MEGF11: variants seen among roughly 807,000 people sequenced by gnomAD.
The protein encoded by MEGF11 is multiple epidermal growth factor-like domains protein 11.
MEGF11 carries 126 observed loss-of-function variants against 146.6 expected under a neutral mutation model. That is an observed-to-expected ratio of 0.86 (90% CI 0.74 to 1.00). The LOEUF (loss-of-function observed/expected upper bound fraction) is 1.00, where lower values mean the gene tolerates loss of function less well. Among genes scored for constraint, MEGF11 ranks in the 50% least tolerant of loss-of-function variants. MEGF11 has a pLI of 0.00. For synonymous variants in MEGF11, 532 were observed against 583.4 expected (o/e 0.91, Z 1.27); for missense variants, 1,509 against 1,521.2 (o/e 0.99, Z 0.13).
At chr15:66,075,243 G>T (rs771572737) in intron 5 of MEGF11, among the ~76,000 whole-genome samples, 1 of 152,188 alleles carries the variant, frequency 6.6e-6, no homozygotes, top group African/African-American at 2.4e-5. Context: ...AATGTTTGGT[G>T]ACTGTAACAT....
In MEGF11 at chr15:65,938,312, C is replaced by G. The variant is rs530637929; in HGVS notation, c.1288-7369G>C. Among the ~76,000 whole-genome samples, 17 of 152,356 alleles carry G rather than the reference C, an allele frequency of 1.1e-4. No individual in the cohort carries two copies. In the East Asian group the frequency reaches 3.1e-3, roughly 28 times the overall value. ...GAACATTCATTTGGAACTCAGATCT[C>G]CTAGCTCCCATTTGGGTCACAGGAT... On this transcript the variant is annotated intron_variant, in intron 10 of 25. Coordinates refer to ENST00000395614, the MANE Select transcript of MEGF11 (RefSeq NM_001385028.1).
At chr15:65,965,151 T>C (rs1341533673) in intron 8 of MEGF11, 31 bp from the exon 9 acceptor site, 9 of 1,520,044 alleles carry the variant, frequency 5.9e-6, no homozygotes, top group Middle Eastern at 1.8e-4. Flanking sequence ...GCTGAGGCTG[T>C]GGGCCAGGAT....
intron 4 of MEGF11, among the ~76,000 whole-genome samples, chr15:66,117,745 C>G (rs140178772): frequency 1.7e-3 from 255 of 152,236 alleles, no homozygotes; most frequent in Non-Finnish European, 2.9e-3. Flanking sequence ...ACATCTACAC[C>G]TGGGTCTCAG....
In MEGF11 at chr15:65,930,972, C is replaced by G. The variant is rs180893406; in HGVS notation, c.1288-29G>C. The G allele has an allele frequency of 1.3e-4, 200 of 1,544,758 alleles. No individual in the cohort carries two copies. In the African/African-American group the frequency reaches 2.6e-3, roughly 20 times the overall value. ...GAAAGGGAGGGGGTGAATTTTGGAT[C>G]AAAGGTTGCTCCATGTTGGATGGCT... On this transcript the variant is annotated intron_variant, in intron 10 of 25. Coordinates refer to ENST00000395614, the MANE Select transcript of MEGF11 (RefSeq NM_001385028.1).
chr15:66,177,699 C>A (rs889077142), intron 1 of MEGF11, among the ~76,000 whole-genome samples: 3 of 101,586 alleles, frequency 3.0e-5, no homozygotes, highest in African/African-American at 1.1e-4. Context: ...TTTTTTTTTT[C>A]TTTGAGACAG....
chr15:66,076,492 G>C (rs1311487078), intron 5 of MEGF11, among the ~76,000 whole-genome samples: 1 of 152,196 alleles, frequency 6.6e-6, no homozygotes, highest in African/African-American at 2.4e-5. Flanking sequence ...CTGCCAGAAT[G>C]GGTTTTCCTT....
At chr15:66,046,336 A>T (rs1324803524) in intron 5 of MEGF11, among the ~76,000 whole-genome samples, 1 of 152,132 alleles carries the variant, frequency 6.6e-6, no homozygotes, top group African/African-American at 2.4e-5. Context: ...CAAATATCCC[A>T]CATAGCCTTT....
intron 4 of MEGF11, among the ~76,000 whole-genome samples, chr15:66,100,175 A>C (rs1041289855): frequency 6.6e-6 from 1 of 152,072 alleles, no homozygotes; most frequent in Non-Finnish European, 1.5e-5. Flanking sequence ...TCACTCTACC[A>C]GTGTTTACCG....
At chr15:66,143,456 C>G (rs184908705) in intron 1 of MEGF11, among the ~76,000 whole-genome samples, 3 of 152,204 alleles carry the variant, frequency 2.0e-5, no homozygotes, top group South Asian at 4.1e-4. Flanking sequence ...TCACCAAGCC[C>G]CTGTCCCATG....
At chr15:66,056,166 A>C (rs1420491294) in intron 5 of MEGF11, among the ~76,000 whole-genome samples, 1 of 151,760 alleles carries the variant, frequency 6.6e-6, no homozygotes, top group African/African-American at 2.4e-5. Flanking sequence ...CAGTGGGAGA[A>C]GTGCTGGTCT....
At chr15:66,233,470 A>T (rs1291424954) in intron 1 of MEGF11, among the ~76,000 whole-genome samples, 3 of 152,138 alleles carry the variant, frequency 2.0e-5, no homozygotes, top group African/African-American at 7.2e-5. Flanking sequence ...TCCTGACCTC[A>T]AGTGATCCGC....
intron 5 of MEGF11, among the ~76,000 whole-genome samples, chr15:66,064,658 C>T (rs1025277350): frequency 6.6e-6 from 1 of 151,522 alleles, no homozygotes; most frequent in African/African-American, 2.4e-5. Context: ...GCTAGGATTA[C>T]AGGCATGTAC....
At chr15:65,936,962 A>C (rs990578734) in intron 10 of MEGF11, among the ~76,000 whole-genome samples, 7 of 152,160 alleles carry the variant, frequency 4.6e-5, no homozygotes, top group African/African-American at 1.4e-4. Flanking sequence ...GCCTCACCCC[A>C]TCACCCCCTG....
At chr15:66,033,983 G>T (rs193004761) in intron 5 of MEGF11, among the ~76,000 whole-genome samples, 2 of 150,602 alleles carry the variant, frequency 1.3e-5, no homozygotes, top group Admixed American at 1.3e-4. Flanking sequence ...GTAGAGACAG[G>T]GTTTTACCAT....
At chr15:65,947,612 A>G (rs191855021) in intron 10 of MEGF11, among the ~76,000 whole-genome samples, 1 of 152,268 alleles carries the variant, frequency 6.6e-6, no homozygotes, top group African/African-American at 2.4e-5. Flanking sequence ...TTGGTTGTCT[A>G]CTTTCTCCAG....
chr15:66,145,050 A>C (rs1186521159), intron 1 of MEGF11, among the ~76,000 whole-genome samples: 1 of 152,194 alleles, frequency 6.6e-6, no homozygotes, highest in Non-Finnish European at 1.5e-5. Flanking sequence ...CTGCTGTAGA[A>C]TACCTGCCCA....
rs2092114985 is a variant in MEGF11 at position 66,237,247 on chromosome 15, C to T, written c.-9+16358G>A. Among the ~76,000 whole-genome samples, 3 of 152,256 alleles carry T rather than the reference C, an allele frequency of 2.0e-5. No individual in the cohort carries two copies. In the South Asian group the frequency reaches 6.2e-4, roughly 32 times the overall value. On this transcript the variant is annotated intron_variant, in intron 1 of 25. Transcript: ENST00000395614. The stretch of plus-strand genomic sequence containing the variant: ...GATGGACTCTGGAGTGTGGTTTCTT[C>T]TCATGGTGTCTTATCGGCCAGAGAA...
rs114459141 is a variant in MEGF11 at position 66,114,721 on chromosome 15, T to C, written c.301+4365A>G. Among the ~76,000 whole-genome samples the C allele has an allele frequency of 1.7e-3, 230 of 133,692 alleles. 2 individuals are homozygous for C. The highest frequency in any genetic ancestry group is 5.2e-3 in the African/African-American group (188 of 36,140). The allele number at this position is 133,692 out of a possible 152,430, so 87.7% of individuals were successfully genotyped here. ...AATATTTCATACCTGGTGACCAAAGTGGGCCAGGACTCCGCTGTAGCTGTA... is the reference window on the plus strand; with the variant it reads ...AATATTTCATACCTGGTGACCAAAGCGGGCCAGGACTCCGCTGTAGCTGTA... On this transcript the variant is annotated intron_variant, in intron 4 of 25. Coordinates refer to ENST00000395614, the MANE Select transcript of MEGF11 (RefSeq NM_001385028.1).
At chr15:66,175,925 G>A (rs1437890931) in intron 1 of MEGF11, among the ~76,000 whole-genome samples, 1 of 152,056 alleles carries the variant, frequency 6.6e-6, no homozygotes, top group South Asian at 2.1e-4. Flanking sequence ...CATGGGACAA[G>A]GGACTAATAT....
Sources: allele counts gnomAD v4.1 joint callset (sites outside exome capture counted in the v4.1 genomes callset), GRCh38; gene constraint gnomAD v4.1.1; transcripts MANE v1.5; gene names NCBI Gene and HGNC (gene_info 2026-07-23, HGNC 2026-07-21).